The following MAK variants were observed in gnomAD, a reference collection of about 807,000 sequenced individuals.
MAK encodes male germ cell associated kinase.
A neutral mutation model predicts 82.6 loss-of-function variants in MAK; 65 were observed. That is an observed-to-expected ratio of 0.79 (90% CI 0.64 to 0.97). MAK has a LOEUF of 0.97. Among genes scored for constraint, MAK ranks in the 50% least tolerant of loss-of-function variants. The pLI, the probability that MAK is intolerant of heterozygous loss-of-function variation, is 0.00. For missense variants in MAK, 703 were observed against 780.2 expected (o/e 0.90, Z 1.18); for synonymous variants, 250 against 274.2 (o/e 0.91, Z 0.87).
chr6:10,824,406 G>A (rs944490100), intron 2 of MAK, among the ~76,000 whole-genome samples: 1 of 152,076 alleles, frequency 6.6e-6, no homozygotes, highest in South Asian at 2.1e-4. Flanking sequence ...TCAACTTGTG[G>A]CTATTCCTAC....
chr6:10,780,453 GTTT>G (rs34131278), intron 11 of MAK, among the ~76,000 whole-genome samples: 4 of 96,732 alleles, frequency 4.1e-5, no homozygotes, highest in Admixed American at 1.1e-4. Flanking sequence ...AAATGTACTG[GTTT>G]TTTTTTTTTT....
At chr6:10,822,146 CAAAAA>C (rs751345869) in intron 2 of MAK, among the ~76,000 whole-genome samples, 3 of 36,548 alleles carry the variant, frequency 8.2e-5, no homozygotes, top group African/African-American at 3.0e-4. Flanking sequence ...GACTCCGTCT[CAAAAA>C]AAAAAAAAAA....
intron 14 of MAK, among the ~76,000 whole-genome samples, chr6:10,769,278 T>C (rs779359249): frequency 3.8e-4 from 58 of 152,218 alleles, no homozygotes; most frequent in Non-Finnish European, 7.9e-4. Context: ...GTTCTAATGA[T>C]TGGCTTTAAT....
intron 11 of MAK, among the ~76,000 whole-genome samples, chr6:10,783,371 A>G (rs999145501): frequency 2.0e-5 from 3 of 152,168 alleles, no homozygotes; most frequent in African/African-American, 7.2e-5. Context: ...AGATGGATCA[A>G]TTCAGATGTT....
chr6:10,807,561 G>T (rs1366184328), intron 6 of MAK, among the ~76,000 whole-genome samples: 1 of 151,324 alleles, frequency 6.6e-6, no homozygotes, highest in Non-Finnish European at 1.5e-5. Flanking sequence ...GGCTGGTCTC[G>T]AACTCCTGGT....
chr6:10,831,858 G>C (rs1263102318), intron 1 of MAK, among the ~76,000 whole-genome samples: 4 of 152,184 alleles, frequency 2.6e-5, no homozygotes, highest in Non-Finnish European at 5.9e-5. Flanking sequence ...GTTTCTTATG[G>C]ATGAACAAAG....
chr6:10,818,468 G>A (rs1347511091), intron 3 of MAK, among the ~76,000 whole-genome samples: 1 of 152,052 alleles, frequency 6.6e-6, no homozygotes, highest in Non-Finnish European at 1.5e-5. Context: ...ACAAAAATTA[G>A]CTGGGCATGG....
In MAK at chr6:10,796,323, G is replaced by C; in HGVS notation, c.832-14C>G. ...GTGTTTCAATGCCTATAAAAACACA[G>C]AGAAAACAACAAATGGAAAACAGTT... On this transcript the variant is annotated splice_polypyrimidine_tract_variant and intron_variant, in intron 8 of 14. Coordinates refer to ENST00000354489, the MANE Select transcript of MAK (RefSeq NM_001242957.3). The C allele has an allele frequency of 6.2e-7, 1 of 1,603,404 alleles. No homozygotes were observed. The highest frequency in any genetic ancestry group is 8.5e-7 in the Non-Finnish European group (1 of 1,173,530).
intron 9 of MAK, among the ~76,000 whole-genome samples, chr6:10,792,123 A>G (rs1270235426): frequency 1.5e-5 from 2 of 136,720 alleles, no homozygotes; most frequent in East Asian, 4.3e-4. Flanking sequence ...GACAGGAAGG[A>G]TCTGGAAACC....
At chr6:10,783,987 C>G (rs1459684677) in intron 11 of MAK, among the ~76,000 whole-genome samples, 2 of 152,044 alleles carry the variant, frequency 1.3e-5, no homozygotes, top group East Asian at 3.9e-4. Context: ...CCACTGCACT[C>G]CAGCCTGGGC....
At chr6:10,798,582 A>C (rs1357323770) in intron 8 of MAK, among the ~76,000 whole-genome samples, 1 of 152,044 alleles carries the variant, frequency 6.6e-6, no homozygotes, top group Admixed American at 6.6e-5. Flanking sequence ...AAAATTTAAC[A>C]CCCAGAGACA....
chr6:10,827,026 G>T (rs558140540), intron 2 of MAK, among the ~76,000 whole-genome samples: 2 of 152,132 alleles, frequency 1.3e-5, no homozygotes, highest in African/African-American at 4.8e-5. Flanking sequence ...CAGAAGAATC[G>T]CTTGAACCCA....
intron 5 of MAK, among the ~76,000 whole-genome samples, chr6:10,812,541 T>C (rs1001367985): frequency 5.9e-5 from 9 of 152,172 alleles, no homozygotes; most frequent in African/African-American, 2.2e-4. Context: ...AAAACACTGC[T>C]CCGTGGGTGC....
At chr6:10,827,744 C>G (rs141821465) in intron 2 of MAK, 1 of 152,442 alleles carries the variant, frequency 6.6e-6, no homozygotes, top group African/African-American at 2.4e-5. Context: ...AGTGGTGGCA[C>G]TATCTTGGCT....
intron 4 of MAK, among the ~76,000 whole-genome samples, chr6:10,816,777 G>A (rs1400835011): frequency 3.3e-5 from 5 of 151,744 alleles, no homozygotes; most frequent in Non-Finnish European, 7.4e-5. Context: ...ATTTTAAATA[G>A]TTCAAAAAGT....
intron 11 of MAK, among the ~76,000 whole-genome samples, chr6:10,782,666 C>A (rs1332089373): frequency 2.0e-5 from 3 of 151,406 alleles, no homozygotes; most frequent in African/African-American, 7.3e-5. Flanking sequence ...GCAACCTCCA[C>A]CTCCTGGGTC....
intron 9 of MAK, 103 bp from the exon 10 acceptor site, chr6:10,791,950 G>T: frequency 7.7e-7 from 1 of 1,297,252 alleles, no homozygotes; most frequent in Non-Finnish European, 1.1e-6. Flanking sequence ...CATTCTCAAG[G>T]AGCGTTCCAT....
In MAK at chr6:10,800,046, T is replaced by TCAAAAA. The variant is rs1157340019; in HGVS notation, c.831+1840_831+1845dup. Among the ~76,000 whole-genome samples, 7 of 144,412 alleles carry TCAAAAA rather than the reference T, an allele frequency of 4.8e-5. No individual in the cohort carries two copies. The highest frequency in any genetic ancestry group is 7.9e-5 in the African/African-American group (3 of 37,778). The allele number at this position is 144,412 out of a possible 152,430, so 94.7% of individuals were successfully genotyped here. On this transcript the variant is annotated intron_variant, in intron 8 of 14. Transcript: ENST00000354489. This position sits in a 1 kb window ranked among gnomAD's most constrained non-coding sequence, Gnocchi z 4.2. ...CTGGGCGATGGAGCGAGACTCCGTT[T>TCAAAAA]CAAAAACAAAAACAAAAACAAAAAA...
intron 2 of MAK, among the ~76,000 whole-genome samples, chr6:10,825,426 T>G (rs1778290266): frequency 6.6e-6 from 1 of 151,966 alleles, no homozygotes; most frequent in African/African-American, 2.4e-5. Context: ...TGTAAGATCC[T>G]ATTCCAGGGC....
Sources: gnomAD v4.1 joint callset for allele counts (sites outside exome capture counted in the v4.1 genomes callset) on GRCh38, gnomAD v4.1.1 for gene constraint, Gnocchi (gnomAD v3.1) non-coding constraint, MANE v1.5 for transcripts, NCBI Gene and HGNC (gene_info 2026-07-23, HGNC 2026-07-21) for gene names.